Variants in RARB observed in about 807,000 individuals in gnomAD.
The protein encoded by RARB is retinoic acid receptor beta, also known as HBV-activated protein.
A neutral mutation model predicts 51.9 loss-of-function variants in RARB; 17 were observed. The observed-to-expected ratio is 0.33, with a 90% CI of 0.22 to 0.49. RARB has a LOEUF of 0.49. Among genes scored for constraint, RARB ranks in the 20% least tolerant of loss-of-function variants. The probability of loss-of-function intolerance (pLI) is 0.99; values close to 1 mark genes in which losing one functional copy is unlikely to be tolerated. For missense variants in RARB, 369 were observed against 550.8 expected (o/e 0.67, Z 3.30); for synonymous variants, 215 against 195.4 (o/e 1.10, Z -0.84).
chr3:25,504,513 T>A (rs1036775674), intron 3 of RARB, among the ~76,000 whole-genome samples: 1 of 152,058 alleles, frequency 6.6e-6, no homozygotes, highest in Non-Finnish European at 1.5e-5. Context: ...AGCCCAGGAT[T>A]GAGGTTGACT....
intron 5 of RARB, among the ~76,000 whole-genome samples, chr3:25,339,803 A>C (rs1488402552): frequency 6.6e-6 from 1 of 152,110 alleles, no homozygotes; most frequent in Non-Finnish European, 1.5e-5. Context: ...GGCTCAACTA[A>C]TCACATATAC....
chr3:25,292,517 G>A (rs1575288883), intron 5 of RARB, among the ~76,000 whole-genome samples: 1 of 152,306 alleles, frequency 6.6e-6, no homozygotes, highest in Non-Finnish European at 1.5e-5. Context: ...AACCTTTGTA[G>A]TTTTTGTTAA....
chr3:25,387,060 T>C (rs1465242529), intron 5 of RARB, among the ~76,000 whole-genome samples: 1 of 152,208 alleles, frequency 6.6e-6, no homozygotes, highest in Non-Finnish European at 1.5e-5. Flanking sequence ...TCTGCCAGAA[T>C]ACAAATGTAG....
intron 2 of RARB, among the ~76,000 whole-genome samples, chr3:24,890,557 T>TGGG (rs1360904470): frequency 6.6e-6 from 1 of 151,798 alleles, no homozygotes; most frequent in Non-Finnish European, 1.5e-5. Context: ...GAAATCAGCC[T>TGGG]GGGGAGGGTA....
intron 2 of RARB, among the ~76,000 whole-genome samples, chr3:25,487,302 C>T (rs887269655): frequency 6.6e-6 from 1 of 152,206 alleles, no homozygotes; most frequent in African/African-American, 2.4e-5. Flanking sequence ...CCCATTGCTT[C>T]TCTGTTCCTC....
intron 1 of RARB, among the ~76,000 whole-genome samples, chr3:24,855,953 T>C (rs1702628605): frequency 6.6e-6 from 1 of 151,964 alleles, no homozygotes; most frequent in Admixed American, 6.6e-5. Context: ...GGTTTCACTG[T>C]GTTAGCCAGG....
At chr3:24,894,110 A>AT (rs1559385830) in intron 2 of RARB, among the ~76,000 whole-genome samples, 1 of 152,106 alleles carries the variant, frequency 6.6e-6, no homozygotes, top group Non-Finnish European at 1.5e-5. Context: ...GAATTGTTTT[A>AT]TTTTTTATAA....
intron 5 of RARB, among the ~76,000 whole-genome samples, chr3:25,348,058 C>T (rs1200880962): frequency 6.6e-6 from 1 of 152,090 alleles, no homozygotes; most frequent in Admixed American, 6.6e-5. Flanking sequence ...TCTTGTGTGG[C>T]CAACCTATAT....
At chr3:25,403,216 C>T (rs971261444) in intron 5 of RARB, among the ~76,000 whole-genome samples, 1 of 151,084 alleles carries the variant, frequency 6.6e-6, no homozygotes, top group African/African-American at 2.4e-5. Context: ...AACAGGGTGA[C>T]TGTAGTCAGT....
Position 25,343,844 on chromosome 3 carries a change from T to C in RARB, c.179-117349T>C, listed in dbSNP as rs537419040. ...GAGCTGCTGTTTTCGATCGTAAGTCTTGTCATGAGGAAAATACAAGGGCCT... is the reference window on the plus strand; with the variant it reads ...GAGCTGCTGTTTTCGATCGTAAGTCCTGTCATGAGGAAAATACAAGGGCCT... On this transcript the variant is annotated intron_variant, in intron 5 of 11. Transcript: ENST00000383772. Among the ~76,000 whole-genome samples the C allele has an allele frequency of 1.6e-3, 239 of 152,250 alleles. 3 individuals are homozygous for C. The highest frequency in any genetic ancestry group is 1.2e-3 in the Non-Finnish European group (82 of 68,026).
intron 4 of RARB, among the ~76,000 whole-genome samples, chr3:25,173,832 G>T (rs968170894): frequency 6.6e-6 from 1 of 152,166 alleles, no homozygotes; most frequent in African/African-American, 2.4e-5. Context: ...GTATCAAGTC[G>T]TTTAACTGCC....
chr3:25,308,751 G>GT (rs1704213669), intron 5 of RARB, among the ~76,000 whole-genome samples: 1 of 152,052 alleles, frequency 6.6e-6, no homozygotes, highest in Admixed American at 6.6e-5. Context: ...CCCAGCCTCC[G>GT]TGAGTATTTT....
At chr3:25,333,297 C>G (rs1704960638) in intron 5 of RARB, among the ~76,000 whole-genome samples, 1 of 152,136 alleles carries the variant, frequency 6.6e-6, no homozygotes, top group Non-Finnish European at 1.5e-5. Context: ...CTACAGTAAC[C>G]AAAACAGCAT....
chr3:25,433,518 G>T (rs1408182061), intron 1 of RARB, among the ~76,000 whole-genome samples: 2 of 152,200 alleles, frequency 1.3e-5, no homozygotes, highest in Non-Finnish European at 2.9e-5. Flanking sequence ...CGTGGACAGG[G>T]TGGGGAGGAG....
At chr3:25,211,358 G>T (rs892524954) in intron 5 of RARB, among the ~76,000 whole-genome samples, 6 of 152,142 alleles carry the variant, frequency 3.9e-5, no homozygotes, top group Admixed American at 1.3e-4. Context: ...TTTCTACAAA[G>T]ACGCAGGAAA....
intron 2 of RARB, among the ~76,000 whole-genome samples, chr3:24,932,496 A>C (rs1205830842): frequency 6.6e-6 from 1 of 152,132 alleles, no homozygotes; most frequent in African/African-American, 2.4e-5. Context: ...TAGCAACTCT[A>C]AAGTGCTCAT....
chr3:25,345,370 A>G (rs1198613021), intron 5 of RARB, among the ~76,000 whole-genome samples: 1 of 152,196 alleles, frequency 6.6e-6, no homozygotes, highest in Non-Finnish European at 1.5e-5. Flanking sequence ...GAGTTAAACT[A>G]TAAGCAATTC....
intron 2 of RARB, among the ~76,000 whole-genome samples, chr3:24,884,192 C>G (rs1703229044): frequency 6.6e-6 from 1 of 152,184 alleles, no homozygotes; most frequent in South Asian, 2.1e-4. Flanking sequence ...CCCACAGACT[C>G]TATTAAATGT....
rs71311528 is a variant in RARB at position 25,207,185 on chromosome 3, A to G, written c.178+32610A>G. On this transcript the variant is annotated intron_variant, in intron 5 of 11. Coordinates refer to the RARB transcript ENST00000383772. ...TTTTGCTCCTTATTCAGGGCAGAAT[A>G]ATGAGGTCATTTGCCTGGAGATATA... Among the ~76,000 whole-genome samples, 523 of 152,342 alleles carry G rather than the reference A, an allele frequency of 3.4e-3. 3 individuals are homozygous for G. The highest frequency in any genetic ancestry group is 5.0e-3 in the Non-Finnish European group (337 of 68,034).
Sources: gnomAD v4.1 joint callset for allele counts (sites outside exome capture counted in the v4.1 genomes callset) on GRCh38, gnomAD v4.1.1 for gene constraint, MANE v1.5 for transcripts, NCBI Gene and HGNC (gene_info 2026-07-23, HGNC 2026-07-21) for gene names.